The following TMEM35B variants were observed in gnomAD, a reference collection of about 807,000 sequenced individuals.
TMEM35B encodes ZMYM6 neighbor protein.
Under a neutral mutation model 8.7 loss-of-function variants are expected in TMEM35B, and 6 were observed. The ratio of observed to expected loss-of-function variants is 0.69; its 90% CI spans 0.38 to 1.36. TMEM35B has a LOEUF of 1.36. Among genes scored for constraint, TMEM35B ranks in the 40% most tolerant of loss-of-function variants. The probability of loss-of-function intolerance (pLI) is 0.02; values close to 1 mark genes in which losing one functional copy is unlikely to be tolerated. For synonymous variants in TMEM35B, 89 were observed against 87.0 expected (o/e 1.02, Z -0.13); for missense variants, 176 against 181.6 (o/e 0.97, Z 0.18).
At chr1:34,983,711 T>C in intron 2 of TMEM35B, 56 bp downstream of exon 2, 1 of 1,375,444 alleles carries the variant, frequency 7.3e-7, no homozygotes, top group Non-Finnish European at 9.5e-7. Context: ...CAGCCAGGTC[T>C]TTCCATAATC....
At chr1:34,982,456 C>A (rs1043002115) in intron 2 of TMEM35B, among the ~76,000 whole-genome samples, 1 of 140,870 alleles carries the variant, frequency 7.1e-6, no homozygotes, top group Non-Finnish European at 1.5e-5. Flanking sequence ...CTTCTCCTTT[C>A]CTTTTTTTTT....
chr1:34,982,079 G>A (rs1433516178), exon 3 of TMEM35B: 1 of 1,548,774 alleles, frequency 6.5e-7, no homozygotes, highest in South Asian at 1.2e-5. Context: ...GGATACAGGT[G>A]CTTAGTGACT....
exon 2 of TMEM35B, chr1:34,983,903 T>A (rs1226481986): frequency 1.3e-6 from 2 of 1,539,888 alleles, no homozygotes; most frequent in East Asian, 5.0e-5. Flanking sequence ...GGTAGCCAAA[T>A]ACCTTCAGCG....
At chr1:34,982,581 A>G (rs12565543) in intron 2 of TMEM35B, among the ~76,000 whole-genome samples, 11,983 of 150,994 alleles carry the variant, frequency 0.079, 906 homozygotes, top group East Asian at 0.38. Context: ...GCTTCAAGCG[A>G]TTCTCCTGCC....
exon 3 of TMEM35B, chr1:34,982,090 C>T: frequency 6.5e-7 from 1 of 1,547,834 alleles, no homozygotes; most frequent in Non-Finnish European, 8.7e-7. Flanking sequence ...CTTAGTGACT[C>T]TTTCAGAGCT....
chr1:34,985,332 G>GC, exon 1 of TMEM35B: 2 of 1,494,156 alleles, frequency 1.3e-6, no homozygotes, highest in Admixed American at 2.1e-5. Flanking sequence ...CCGTGGGTTG[G>GC]CCCCGCCGAA....
chr1:34,982,249 C>T (rs1640514838), intron 2 of TMEM35B, 130 bp from the exon 3 acceptor site: 8 of 676,398 alleles, frequency 1.2e-5, no homozygotes, highest in East Asian at 3.0e-5. Context: ...CCACTCCTAA[C>T]GCACATTCCC....
At chr1:34,984,369 C>A (rs1438953720) in intron 1 of TMEM35B, among the ~76,000 whole-genome samples, 1 of 152,220 alleles carries the variant, frequency 6.6e-6, no homozygotes, top group Non-Finnish European at 1.5e-5. Flanking sequence ...CAAAGTGACT[C>A]TTCTTGTCAA....
exon 3 of TMEM35B, chr1:34,982,001 C>T (rs561914569): frequency 2.1e-5 from 33 of 1,550,550 alleles, no homozygotes; most frequent in Admixed American, 7.9e-5. Flanking sequence ...GTCTGACCAC[C>T]TTCTTAGTCT....
chr1:34,984,682 C>G (rs1569726614), intron 1 of TMEM35B, among the ~76,000 whole-genome samples: 1 of 152,158 alleles, frequency 6.6e-6, no homozygotes, highest in Admixed American at 6.5e-5. Flanking sequence ...CCGAGAGAGG[C>G]TTCCCTCTCT....
In TMEM35B at chr1:34,981,840, A is replaced by G. The variant is rs964792817; in HGVS notation, c.*104T>C. ...CCAGGTAGACAAAATGTCTCTTTCA[A>G]CACTGGCTGACCCTGGATATTATAC... On this transcript the variant is annotated 3_prime_UTR_variant, in exon 3 of 3. Transcript: ENST00000373337. 9 of 1,220,196 alleles carry G rather than the reference A, an allele frequency of 7.4e-6. No homozygotes were observed. The African/African-American group carries it at 1.4e-4, about 19-fold the overall frequency. 75.6% of individuals were successfully genotyped at this position (1,220,196 alleles called of 1,614,324 possible).
intron 2 of TMEM35B, 130 bp downstream of exon 2, chr1:34,983,637 G>T: frequency 3.7e-6 from 2 of 545,206 alleles, no homozygotes; most frequent in Non-Finnish European, 5.9e-6. Context: ...CATGGAAACT[G>T]TGGTAGAGCA....
exon 1 of TMEM35B, chr1:34,985,215 G>C: frequency 6.5e-7 from 1 of 1,538,496 alleles, no homozygotes; most frequent in Non-Finnish European, 8.8e-7. Context: ...TCCGAAACTG[G>C]AGCCGAGATC....
At chr1:34,983,566 G>C (rs58844660) in intron 2 of TMEM35B, among the ~76,000 whole-genome samples, 2 of 113,896 alleles carry the variant, frequency 1.8e-5, no homozygotes, top group Non-Finnish European at 3.3e-5. Context: ...GCGAAAGAGC[G>C]AGACTCCATC....
chr1:34,982,250 G>T (rs963943399), intron 2 of TMEM35B, 131 bp from the exon 3 acceptor site: 5 of 673,168 alleles, frequency 7.4e-6, no homozygotes, highest in South Asian at 7.3e-5. Flanking sequence ...CACTCCTAAC[G>T]CACATTCCCA....
At chr1:34,983,683 G>T (rs1373437174) in intron 2 of TMEM35B, 84 bp downstream of exon 2, 2 of 1,186,074 alleles carry the variant, frequency 1.7e-6, no homozygotes, top group South Asian at 2.6e-5. Flanking sequence ...AAAGAAGGGT[G>T]GCAACAGTAA....
exon 3 of TMEM35B, chr1:34,981,625 A>G (rs1448476794): frequency 6.2e-6 from 1 of 161,360 alleles, no homozygotes; most frequent in Non-Finnish European, 1.4e-5. Flanking sequence ...ATCTGTTTAA[A>G]GGCACAGAAA....
chr1:34,985,256 G>T, exon 1 of TMEM35B: 7 of 1,545,114 alleles, frequency 4.5e-6, no homozygotes, highest in Non-Finnish European at 6.1e-6. Flanking sequence ...CCCCACGAGC[G>T]CGAAGAAGCC....
chr1:34,984,916 G>A (rs1462291747), intron 1 of TMEM35B, among the ~76,000 whole-genome samples: 1 of 150,892 alleles, frequency 6.6e-6, no homozygotes, highest in Non-Finnish European at 1.5e-5. Flanking sequence ...CCCAGGGTCC[G>A]GGGGGGTGGG....
Sources: gnomAD v4.1 joint callset for allele counts (sites outside exome capture counted in the v4.1 genomes callset) on GRCh38, gnomAD v4.1.1 for gene constraint, MANE v1.5 for transcripts, NCBI Gene and HGNC (gene_info 2026-07-23, HGNC 2026-07-21) for gene names.